IFT74: variants seen among roughly 807,000 people sequenced by gnomAD.
The protein encoded by IFT74 is intraflagellar transport protein 74 homolog.
A neutral mutation model predicts 96.7 loss-of-function variants in IFT74; 92 were observed. The observed-to-expected ratio is 0.95, with a 90% CI of 0.80 to 1.13. The LOEUF (loss-of-function observed/expected upper bound fraction) is 1.13, where lower values mean the gene tolerates loss of function less well. Ranked by LOEUF, IFT74 falls within the 50% of genes most tolerant of loss-of-function variation. IFT74 has a pLI of 0.00. For synonymous variants in IFT74, 223 were observed against 213.2 expected (o/e 1.05, Z -0.40); for missense variants, 811 against 698.2 (o/e 1.16, Z -1.82).
At chr9:27,054,999 A>C (rs1375741394) in intron 16 of IFT74, among the ~76,000 whole-genome samples, 1 of 152,200 alleles carries the variant, frequency 6.6e-6, no homozygotes, top group Non-Finnish European at 1.5e-5. Flanking sequence ...ATGTTAGTGA[A>C]TCTACAACCT....
At chr9:26,987,474 TA>T (rs1827690005) in intron 6 of IFT74, among the ~76,000 whole-genome samples, 1 of 152,196 alleles carries the variant, frequency 6.6e-6, no homozygotes, top group African/African-American at 2.4e-5. Flanking sequence ...CATATTCATA[TA>T]AAAATACTAC....
At chr9:26,978,433 G>C (rs551811874) in intron 3 of IFT74, among the ~76,000 whole-genome samples, 170 bp downstream of exon 3, 3 of 152,122 alleles carry the variant, frequency 2.0e-5, no homozygotes, top group Admixed American at 6.5e-5. Flanking sequence ...TGTAATTATG[G>C]CATGTAATCA....
Position 27,042,163 on chromosome 9 carries a change from C to T in IFT74, c.1055-2579C>T, listed in dbSNP as rs147734412. Among the ~76,000 whole-genome samples, 1,247 of 151,936 alleles carry T rather than the reference C, an allele frequency of 8.2e-3. 12 individuals are homozygous for T. The highest frequency in any genetic ancestry group is 0.028 in the African/African-American group (1,168 of 41,414). On this transcript the variant is annotated intron_variant, in intron 13 of 19. Transcript: ENST00000380062. ...GAGTTAGGATGTCCTGAAAGGGCTT[C>T]CAAATCAATATATATAGTAAGCATT...
intron 6 of IFT74, among the ~76,000 whole-genome samples, chr9:26,986,098 A>C (rs1827621112): frequency 6.6e-6 from 1 of 152,204 alleles, no homozygotes; most frequent in South Asian, 2.1e-4. Context: ...GTCTGGATTT[A>C]ATGAAAAAGT....
At chr9:26,969,002 GTTGT>G (rs781139847) in intron 2 of IFT74, among the ~76,000 whole-genome samples, 1 of 151,844 alleles carries the variant, frequency 6.6e-6, no homozygotes, top group Non-Finnish European at 1.5e-5. Context: ...GCATTATTAG[GTTGT>G]TTATTTTGTT....
intron 4 of IFT74, chr9:26,982,451 A>ATTTTT (rs56756518): frequency 2.5e-4 from 55 of 215,728 alleles, no homozygotes; most frequent in South Asian, 4.7e-4. Flanking sequence ...TAATTTTTGT[A>ATTTTT]TTTTTTTTTT....
chr9:27,056,053 C>T lies in IFT74; in HGVS notation c.1497+281C>T, dbSNP rs545399933. Among the ~76,000 whole-genome samples, 46 of 152,134 alleles carry T rather than the reference C, an allele frequency of 3.0e-4. No individual in the cohort carries two copies. The South Asian group carries it at 3.5e-3, about 12-fold the overall frequency. On this transcript the variant is annotated intron_variant, in intron 17 of 19. Transcript: ENST00000380062. ...AATGCAGTTTAGATTATGACTCTAT[C>T]CTACCTGAAACTTGTCAGTGGCTTT...
At chr9:27,026,816 G>T (rs1829881923) in intron 12 of IFT74, among the ~76,000 whole-genome samples, 1 of 152,128 alleles carries the variant, frequency 6.6e-6, no homozygotes, top group Non-Finnish European at 1.5e-5. Context: ...CTGGGATACA[G>T]CAAAAGCAGT....
At chr9:27,049,032 C>G (rs1197987801) in intron 16 of IFT74, among the ~76,000 whole-genome samples, 2 of 151,982 alleles carry the variant, frequency 1.3e-5, no homozygotes, top group East Asian at 3.9e-4. Context: ...TCTGTGAGTT[C>G]ACGCAAGATC....
intron 13 of IFT74, among the ~76,000 whole-genome samples, chr9:27,042,809 A>G (rs1319311652): frequency 6.6e-6 from 1 of 152,160 alleles, no homozygotes; most frequent in African/African-American, 2.4e-5. Context: ...AGGAGATAGT[A>G]GCTTTTCTGC....
intron 2 of IFT74, among the ~76,000 whole-genome samples, chr9:26,974,769 T>C (rs1162142455): frequency 1.3e-5 from 2 of 152,102 alleles, no homozygotes; most frequent in African/African-American, 4.8e-5. Flanking sequence ...ATAATTGAGG[T>C]CCTAAGAATT....
At chr9:27,028,089 C>T (rs1284361985) in intron 12 of IFT74, among the ~76,000 whole-genome samples, 1 of 152,082 alleles carries the variant, frequency 6.6e-6, no homozygotes, top group Non-Finnish European at 1.5e-5. Context: ...GCACCCTTAT[C>T]AAAAATCGGT....
Position 27,050,492 on chromosome 9 carries a change from T to G in IFT74, c.1333+2218T>G, listed in dbSNP as rs946332863. ...GACTAGGATAAGGTCATGTAAAAAT[T>G]TGTATGGGATCTTTGGTTTATGAAC... On this transcript the variant is annotated intron_variant, in intron 16 of 19. Transcript: ENST00000380062. Among the ~76,000 whole-genome samples, 37 of 152,120 alleles carry G rather than the reference T, an allele frequency of 2.4e-4. 1 individual carries two copies. Among genetic ancestry groups the G allele is most frequent in the Admixed American group, 6.5e-4 (10 of 15,280 alleles).
At chr9:26,978,057 G>T in intron 2 of IFT74, 71 bp from the exon 3 acceptor site, 2 of 1,349,484 alleles carry the variant, frequency 1.5e-6, no homozygotes, top group South Asian at 1.6e-5. Flanking sequence ...AATTGTCTTT[G>T]CAGTTTTACA....
intron 8 of IFT74, chr9:26,996,210 T>A (rs1828147665): frequency 3.9e-6 from 3 of 771,840 alleles, no homozygotes; most frequent in Non-Finnish European, 5.6e-6. Flanking sequence ...TGAGGAATCT[T>A]TCTTTTACAT....
chr9:27,036,499 CAAA>C (rs1819195220), intron 13 of IFT74: 2 of 1,613,152 alleles, frequency 1.2e-6, no homozygotes, highest in Non-Finnish European at 1.7e-6. Flanking sequence ...CAGGAAGTTT[CAAA>C]AAGCAAGTTT....
intron 7 of IFT74, among the ~76,000 whole-genome samples, chr9:26,989,036 G>T (rs1053882577): frequency 6.6e-6 from 1 of 152,078 alleles, no homozygotes; most frequent in Non-Finnish European, 1.5e-5. Context: ...AGTATTTCTG[G>T]CTTAGTTTAA....
intron 1 of IFT74, among the ~76,000 whole-genome samples, chr9:26,950,489 A>G (rs1825899633): frequency 6.6e-6 from 1 of 152,154 alleles, no homozygotes; most frequent in South Asian, 2.1e-4. Context: ...CCTTGCCTCA[A>G]AGTTTAACTA....
chr9:26,998,289 A>G (rs1828282226), intron 8 of IFT74: 3 of 1,132,138 alleles, frequency 2.6e-6, no homozygotes, highest in Non-Finnish European at 3.6e-6. Context: ...AAAAATTAAT[A>G]GAATTTCACC....
Sources: gnomAD v4.1 joint callset for allele counts (sites outside exome capture counted in the v4.1 genomes callset) on GRCh38, gnomAD v4.1.1 for gene constraint, MANE v1.5 for transcripts, NCBI Gene and HGNC (gene_info 2026-07-23, HGNC 2026-07-21) for gene names.